SEMA3D: variants seen among roughly 807,000 people sequenced by gnomAD.
SEMA3D encodes semaphorin-3D.
In SEMA3D, 84 loss-of-function variants were observed where a neutral mutation model predicts 100.1. The ratio of observed to expected loss-of-function variants is 0.84; its 90% CI spans 0.70 to 1.01. SEMA3D has a LOEUF of 1.01. Ranked by LOEUF, SEMA3D falls within the 50% of genes least tolerant of loss-of-function variation. The pLI, the probability that SEMA3D is intolerant of heterozygous loss-of-function variation, is 0.00. For synonymous variants in SEMA3D, 312 were observed against 320.7 expected (o/e 0.97, Z 0.29); for missense variants, 875 against 934.1 (o/e 0.94, Z 0.82).
At chr7:85,176,096 T>C (rs1355355823) in intron 1 of SEMA3D, among the ~76,000 whole-genome samples, 1 of 152,080 alleles carries the variant, frequency 6.6e-6, no homozygotes, top group Non-Finnish European at 1.5e-5. Context: ...AACATGAGTC[T>C]ATACAAAAAA....
the SEMA3D span, among the ~76,000 whole-genome samples, chr7:85,224,397 G>A: frequency 0.023 from 3,460 of 152,240 alleles, 162 homozygotes; most frequent in East Asian, 0.2. Flanking sequence ...ATAAATGGTA[G>A]TCCAACTTGC....
the SEMA3D span, among the ~76,000 whole-genome samples, chr7:85,218,796 A>G: frequency 1.3e-5 from 2 of 152,178 alleles, no homozygotes; most frequent in African/African-American, 4.8e-5. Context: ...ATTAGAAACT[A>G]TATTACAAGA....
chr7:85,203,750 T>G, the SEMA3D span, among the ~76,000 whole-genome samples: 5 of 152,126 alleles, frequency 3.3e-5, no homozygotes, highest in African/African-American at 1.2e-4. Context: ...TATGGAAGGT[T>G]GTGGATGCCT....
chr7:85,138,354 T>C (rs977350191), intron 2 of SEMA3D, among the ~76,000 whole-genome samples: 3 of 151,926 alleles, frequency 2.0e-5, no homozygotes, highest in African/African-American at 7.2e-5. Flanking sequence ...AGTGGCACGA[T>C]CTCTGCTCAC....
Position 85,151,598 on chromosome 7 carries a change from C to CGT in SEMA3D, c.-41+2008_-41+2009dup, listed in dbSNP as rs57024733. On this transcript the variant is annotated intron_variant, in intron 2 of 18. Coordinates refer to ENST00000284136, the MANE Select transcript of SEMA3D (RefSeq NM_001384900.1). ...TGATGTGTGTATGCATGTGTGTATGCGTGTGTGTGTGTGTGTGTGTGTGTG... is the reference window on the plus strand; with the variant it reads ...TGATGTGTGTATGCATGTGTGTATGCGTGTGTGTGTGTGTGTGTGTGTGTGTG... 4,735 of 849,398 alleles carry CGT rather than the reference C, an allele frequency of 5.6e-3. 7 individuals carry two copies. Among genetic ancestry groups the CGT allele is most frequent in the Middle Eastern group, 0.017 (28 of 1,694 alleles). The allele number at this position is 849,398 out of a possible 1,614,324, so 52.6% of individuals were successfully genotyped here.
At chr7:85,149,495 A>C (rs1423375559) in intron 2 of SEMA3D, among the ~76,000 whole-genome samples, 1 of 151,826 alleles carries the variant, frequency 6.6e-6, no homozygotes, top group Non-Finnish European at 1.5e-5. Context: ...ACAAACAAAA[A>C]CCAAAAGTAA....
At chr7:85,163,015 GA>G in intron 1 of SEMA3D, 1 of 929,178 alleles carries the variant, frequency 1.1e-6, no homozygotes, top group Non-Finnish European at 1.3e-6. Context: ...TAACGAGAAG[GA>G]AAGACAAGGA....
intron 2 of SEMA3D, among the ~76,000 whole-genome samples, chr7:85,132,321 A>G (rs62462187): frequency 0.22 from 34,131 of 151,870 alleles, 4,152 homozygotes; most frequent in East Asian, 0.39. Flanking sequence ...AACTTAAAAC[A>G]TGGCAAAATT....
intron 3 of SEMA3D, among the ~76,000 whole-genome samples, chr7:85,110,555 G>A (rs1031457500): frequency 1.3e-5 from 2 of 151,778 alleles, no homozygotes; most frequent in African/African-American, 4.8e-5. Flanking sequence ...CTAGATAACA[G>A]TTGCAACTGA....
intron 3 of SEMA3D, among the ~76,000 whole-genome samples, chr7:85,105,591 A>G (rs1018783895): frequency 1.3e-5 from 2 of 152,106 alleles, no homozygotes; most frequent in African/African-American, 4.8e-5. Flanking sequence ...GACTGCTTCA[A>G]AATTGCAGGT....
At chr7:85,151,820 T>G in intron 2 of SEMA3D, 1 of 705,838 alleles carries the variant, frequency 1.4e-6, no homozygotes, top group Non-Finnish European at 1.7e-6. Flanking sequence ...AAATTCCAAA[T>G]TTTAGACTGT....
chr7:85,182,949 GGAT>G (rs1452944841), intron 1 of SEMA3D, among the ~76,000 whole-genome samples: 2 of 152,096 alleles, frequency 1.3e-5, no homozygotes, highest in Non-Finnish European at 2.9e-5. Context: ...TAATTGACAA[GGAT>G]GATTCTGAAG....
At chr7:85,248,267 CAAT>C in the SEMA3D span, among the ~76,000 whole-genome samples, 3 of 152,044 alleles carry the variant, frequency 2.0e-5, no homozygotes, top group African/African-American at 4.8e-5. Flanking sequence ...TTTAAAACAA[CAAT>C]GAGATACTAC....
At chr7:85,028,189 A>G (rs543748812) in intron 12 of SEMA3D, 15 of 655,128 alleles carry the variant, frequency 2.3e-5, no homozygotes, top group South Asian at 1.5e-4. Flanking sequence ...GGTGTCTTCT[A>G]TGGTTCTGAC....
At chr7:85,040,547 G>T (rs1459541061) in intron 11 of SEMA3D, 126 bp downstream of exon 11, 1 of 609,108 alleles carries the variant, frequency 1.6e-6, no homozygotes, top group East Asian at 3.1e-5. Flanking sequence ...TAAGTGAAAA[G>T]GTAAAATGAA....
chr7:85,167,534 A>G (rs1488712819), intron 1 of SEMA3D: 3 of 244,672 alleles, frequency 1.2e-5, no homozygotes, highest in Non-Finnish European at 2.0e-5. Flanking sequence ...TGTTATAAAT[A>G]CACGAAATAT....
chr7:85,054,657 T>C (rs1300938090), intron 9 of SEMA3D, among the ~76,000 whole-genome samples: 1 of 152,134 alleles, frequency 6.6e-6, no homozygotes, highest in Non-Finnish European at 1.5e-5. Context: ...TTTGTATTTC[T>C]GTCCCTGAAA....
At chr7:85,193,078 A>G in the SEMA3D span, among the ~76,000 whole-genome samples, 1 of 152,172 alleles carries the variant, frequency 6.6e-6, no homozygotes. Flanking sequence ...AGAAGTAAAA[A>G]AACTGAACAA....
intron 1 of SEMA3D, among the ~76,000 whole-genome samples, 163 bp from the exon 2 acceptor site, chr7:85,153,902 C>T (rs1210919948): frequency 1.3e-5 from 2 of 152,148 alleles, no homozygotes; most frequent in Admixed American, 1.3e-4. Context: ...GTGGGAATGT[C>T]AAGCTTTTTG....
Sources: gnomAD v4.1 joint callset for allele counts (sites outside exome capture counted in the v4.1 genomes callset) on GRCh38, gnomAD v4.1.1 for gene constraint, MANE v1.5 for transcripts, NCBI Gene and HGNC (gene_info 2026-07-23, HGNC 2026-07-21) for gene names.